GAREM1: variants seen among roughly 807,000 people sequenced by gnomAD.
GAREM1 encodes the protein GRB2-associated and regulator of MAPK protein 1.
A neutral mutation model predicts 71.3 loss-of-function variants in GAREM1; 26 were observed. The observed-to-expected ratio is 0.36, with a 90% CI of 0.27 to 0.51. The LOEUF is 0.51. GAREM1 is among the 20% of genes least tolerant of loss of function. The pLI, the probability that GAREM1 is intolerant of heterozygous loss-of-function variation, is 0.95. For missense variants in GAREM1, 1,026 were observed against 1,103.1 expected (o/e 0.93, Z 0.99); for synonymous variants, 440 against 433.2 (o/e 1.02, Z -0.20).
chr18:32,336,332 A>G (rs1312002281), intron 2 of GAREM1, among the ~76,000 whole-genome samples: 1 of 150,730 alleles, frequency 6.6e-6, no homozygotes, highest in African/African-American at 2.4e-5. Flanking sequence ...CGGGATGCTG[A>G]GGCAGGAGAA....
intron 2 of GAREM1, among the ~76,000 whole-genome samples, chr18:32,380,941 G>C (rs967568695): frequency 9.2e-5 from 14 of 151,944 alleles, no homozygotes; most frequent in African/African-American, 3.4e-4. Flanking sequence ...AGATGAATTT[G>C]TCATAGTACT....
intron 1 of GAREM1, among the ~76,000 whole-genome samples, chr18:32,436,790 G>A (rs1460634397): frequency 6.6e-6 from 1 of 152,168 alleles, no homozygotes; most frequent in South Asian, 2.1e-4. Flanking sequence ...TTTATTCTGA[G>A]TATGTAACTG....
rs2047034827 is a variant in GAREM1 at position 32,287,460 on chromosome 18, G to A, written c.1137C>T (p.Leu379=). 1 of 1,614,084 alleles carries A rather than the reference G, an allele frequency of 6.2e-7. No individual in the cohort carries two copies. The highest frequency in any genetic ancestry group is 1.3e-5 in the African/African-American group (1 of 74,936). The change falls in exon 4 of 6, where the codon CTC becomes CTT. Residue 379 remains leucine, a synonymous_variant. Coordinates refer to ENST00000269209, the MANE Select transcript of GAREM1 (RefSeq NM_001242409.2). This position sits in a 1 kb window ranked among gnomAD's most constrained non-coding sequence, Gnocchi z 5.9. Reference sequence around the variant, plus strand: ...CCGAGAGTCGGTGGAAGGACTGGGTGAGCTCATCGCGGGCGTAGCTGAGCG... The same window carrying A: ...CCGAGAGTCGGTGGAAGGACTGGGTAAGCTCATCGCGGGCGTAGCTGAGCG... ...PNSLSYARDE[L]TQSFHRLSVC...
intron 2 of GAREM1, among the ~76,000 whole-genome samples, chr18:32,314,151 C>G (rs1468838915): frequency 6.6e-6 from 1 of 151,204 alleles, no homozygotes; most frequent in Non-Finnish European, 1.5e-5. Flanking sequence ...AATTCTATCA[C>G]AAGTTAAACT....
chr18:32,358,945 C>T (rs374113884), intron 2 of GAREM1, among the ~76,000 whole-genome samples: 3 of 152,272 alleles, frequency 2.0e-5, no homozygotes, highest in East Asian at 3.9e-4. Context: ...GAGTATTAAA[C>T]CAAGTGCTGG....
intron 2 of GAREM1, among the ~76,000 whole-genome samples, chr18:32,336,298 T>C (rs1479422512): frequency 6.6e-6 from 1 of 151,846 alleles, no homozygotes; most frequent in Non-Finnish European, 1.5e-5. Context: ...GCCGTGGTGG[T>C]GGGTGCCTGT....
rs570450198 is a variant in GAREM1, at chr18:32,268,291, G to A, written c.2211C>T (p.Val737=). The change falls in exon 6 of 6, where the codon GTC becomes GTT. Residue 737 remains valine (V), a synonymous_variant. Coordinates refer to ENST00000269209, the MANE Select transcript of GAREM1 (RefSeq NM_001242409.2). ...PRAPKLVEEK[V]ASETSPLPLK... ...GAGGCAAAGGAGATGTTTCGGAGGC[G>A]ACCTTCTCTTCCACTAGTTTTGGAG... The A allele has an allele frequency of 1.7e-5, 28 of 1,614,138 alleles. No homozygotes were observed. Among genetic ancestry groups the A allele is most frequent in the African/African-American group, 1.5e-4 (11 of 75,036 alleles).
At chr18:32,300,347 G>A (rs749751583) in intron 3 of GAREM1, among the ~76,000 whole-genome samples, 14 of 152,050 alleles carry the variant, frequency 9.2e-5, no homozygotes, top group Non-Finnish European at 2.1e-4. Context: ...TTTTAAACGA[G>A]GAATGGTGGG....
intron 3 of GAREM1, among the ~76,000 whole-genome samples, chr18:32,302,243 A>G (rs1386188458): frequency 1.3e-5 from 2 of 152,196 alleles, no homozygotes; most frequent in Admixed American, 6.5e-5. Flanking sequence ...AAGTCAGCTA[A>G]CATAGCTGTT....
intron 1 of GAREM1, among the ~76,000 whole-genome samples, chr18:32,433,362 T>G (rs2048642789): frequency 6.6e-6 from 1 of 151,012 alleles, no homozygotes; most frequent in Admixed American, 6.6e-5. Flanking sequence ...GTTTTCCCCC[T>G]AAAATCAAGA....
In GAREM1 at chr18:32,268,750, G is replaced by A. The variant is rs758965655; in HGVS notation, c.1752C>T (p.Asp584=). Residue 584 remains aspartate, a synonymous_variant, in exon 6 of 6, where the codon GAC becomes GAT. Coordinates refer to ENST00000269209, the MANE Select transcript of GAREM1 (RefSeq NM_001242409.2). ...CAGGAGTGCTTTCAGAAGGATTTGT[G>A]TCAGTTTTAGTGACGCTGCTTAAAA... is the stretch of plus-strand genomic sequence containing the variant. ...GLHNISVTKT[D]TNPSESTPVS... is the part of the protein sequence containing the mutation. 80 of 1,613,680 alleles carry A rather than the reference G, an allele frequency of 5.0e-5. No homozygotes were observed. Among genetic ancestry groups the A allele is most frequent in the Non-Finnish European group, 6.6e-5 (78 of 1,179,704 alleles).
chr18:32,429,217 CAACTT>C (rs2048602112), intron 1 of GAREM1, among the ~76,000 whole-genome samples: 1 of 152,130 alleles, frequency 6.6e-6, no homozygotes, highest in African/African-American at 2.4e-5. Context: ...ATATCAATAA[CAACTT>C]AAAACTATAT....
chr18:32,333,739 C>T lies in GAREM1; in HGVS notation c.263-23416G>A, dbSNP rs551202760. Among the ~76,000 whole-genome samples the T allele has an allele frequency of 2.6e-5, 4 of 152,314 alleles. No individual in the cohort carries two copies. The East Asian group carries it at 7.7e-4, about 29-fold the overall frequency. ...TCTACAACATTAGCTGCTCTGAATG[C>T]TCTTCCTGGGCTGACAATGACGCTC... On this transcript the variant is annotated intron_variant, in intron 2 of 5. Transcript: ENST00000269209.
intron 1 of GAREM1, among the ~76,000 whole-genome samples, chr18:32,428,806 T>G (rs897656456): frequency 6.6e-6 from 1 of 152,222 alleles, no homozygotes; most frequent in Non-Finnish European, 1.5e-5. Flanking sequence ...CACAGTTGAT[T>G]GGCTCAAGAA....
chr18:32,422,314 C>T (rs2048526754), intron 1 of GAREM1, among the ~76,000 whole-genome samples: 1 of 152,138 alleles, frequency 6.6e-6, no homozygotes, highest in African/African-American at 2.4e-5. Context: ...AACTCCCATT[C>T]CCAGTGAAGC....
chr18:32,386,292 G>A (rs1439181008), intron 2 of GAREM1, among the ~76,000 whole-genome samples: 2 of 152,102 alleles, frequency 1.3e-5, no homozygotes, highest in Non-Finnish European at 2.9e-5. Context: ...ACAATTCAAG[G>A]TTATGTTAGA....
At chr18:32,299,777 A>G (rs796098506) in intron 3 of GAREM1, among the ~76,000 whole-genome samples, 75 of 152,312 alleles carry the variant, frequency 4.9e-4, no homozygotes, top group African/African-American at 1.7e-3. Flanking sequence ...GCCAATTTAC[A>G]GCCTTAGCAA....
chr18:32,325,343 G>A (rs1231104382), intron 2 of GAREM1, among the ~76,000 whole-genome samples: 2 of 152,160 alleles, frequency 1.3e-5, no homozygotes, highest in African/African-American at 4.8e-5. Context: ...ACAACAGCAA[G>A]AGTGAACCCT....
At chr18:32,311,915 G>C (rs191508984) in intron 2 of GAREM1, among the ~76,000 whole-genome samples, 1 of 152,246 alleles carries the variant, frequency 6.6e-6, no homozygotes, top group Non-Finnish European at 1.5e-5. Flanking sequence ...GCAAGGCACA[G>C]AGGCAAGTGA....
Sources: gnomAD v4.1 joint callset for allele counts (sites outside exome capture counted in the v4.1 genomes callset) on GRCh38, gnomAD v4.1.1 for gene constraint, Gnocchi (gnomAD v3.1) non-coding constraint, MANE v1.5 for transcripts, NCBI Gene and HGNC (gene_info 2026-07-23, HGNC 2026-07-21) for gene names.